Variants in EVL observed in about 807,000 individuals in gnomAD.
EVL encodes ena/VASP-like protein.
EVL carries 21 observed loss-of-function variants against 59.6 expected under a neutral mutation model. The ratio of observed to expected loss-of-function variants is 0.35; its 90% confidence interval spans 0.25 to 0.51. The LOEUF is 0.51. Ranked by LOEUF, EVL falls within the 20% of genes least tolerant of loss-of-function variation. The pLI is 0.97. For synonymous variants in EVL, 198 were observed against 203.5 expected, an observed-to-expected ratio of 0.97 and a Z score of 0.23; for missense variants, 462 against 546.6, an observed-to-expected ratio of 0.85 and a Z score of 1.54.
chr14:100,110,986 G>C (rs73349538), intron 3 of EVL, among the ~76,000 whole-genome samples: 4,198 of 152,152 alleles, frequency 0.028, 196 homozygotes, highest in African/African-American at 0.091. Flanking sequence ...GCTGAGGTGT[G>C]CCTGCCATGG....
chr14:100,104,365 G>A (rs899741600), intron 3 of EVL, among the ~76,000 whole-genome samples: 4 of 152,204 alleles, frequency 2.6e-5, no homozygotes, highest in Middle Eastern at 3.4e-3. Context: ...TACTTTCATT[G>A]TTGATCAGAT....
intron 4 of EVL, among the ~76,000 whole-genome samples, 188 bp downstream of exon 4, chr14:100,123,790 C>T (rs187002345): frequency 9.2e-5 from 14 of 152,344 alleles, no homozygotes; most frequent in East Asian, 3.9e-4. Context: ...CCGCTGGTCC[C>T]GGACACCAAG....
At chr14:100,066,275 C>T (rs772283297) in intron 1 of EVL, among the ~76,000 whole-genome samples, 83 of 152,302 alleles carry the variant, frequency 5.4e-4, no homozygotes, top group Non-Finnish European at 7.6e-4. Context: ...AGTGCCATTT[C>T]GCCAGTTTTC....
chr14:100,001,179 T>C (rs998838787), intron 1 of EVL, among the ~76,000 whole-genome samples: 2 of 152,196 alleles, frequency 1.3e-5, no homozygotes, highest in African/African-American at 2.4e-5. Flanking sequence ...GTTGCTGTTA[T>C]TTTCTTCTGA....
At position 100,018,977 on chromosome 14, in the gene EVL, G is replaced by C. The variant is rs966480284; in HGVS notation, c.5+46920G>C. Among the ~76,000 whole-genome samples, 11 of 152,118 alleles carry C rather than the reference G, an allele frequency of 7.2e-5. No individual in the cohort carries two copies. The East Asian group carries it at 1.9e-3, about 27-fold the overall frequency. ...GGTACCTACTATATACTCGATAAATGAATAATCAAATAAATGAGATCACTA... is the reference window on the plus strand; with the variant it reads ...GGTACCTACTATATACTCGATAAATCAATAATCAAATAAATGAGATCACTA... On this transcript the variant is annotated intron_variant, in intron 1 of 13. Coordinates refer to the EVL transcript ENST00000402714.
rs192519148 is a variant in EVL at position 100,108,711 on chromosome 14, G to A, written c.358+11053G>A. On this transcript the variant is annotated intron_variant, in intron 3 of 13. Transcript: ENST00000392920. This position sits in a 1 kb window ranked among gnomAD's most constrained non-coding sequence, Gnocchi z 4.1. ...TCCCCACACTTCTAAAATCTCACTCGTCCTGTCAGAATGTGGCTCCACAGA... is the reference window on the plus strand; with the variant it reads ...TCCCCACACTTCTAAAATCTCACTCATCCTGTCAGAATGTGGCTCCACAGA... 1.6e-3 allele frequency among the ~76,000 whole-genome samples: 242 copies of A among 152,054 alleles called. 3 individuals carry two copies. Among genetic ancestry groups the A allele is most frequent in the East Asian group, 7.8e-4 (4 of 5,124 alleles).
intron 2 of EVL, among the ~76,000 whole-genome samples, chr14:100,085,964 A>G (rs2062432576): frequency 6.6e-6 from 1 of 151,940 alleles, no homozygotes; most frequent in Admixed American, 6.5e-5. Flanking sequence ...CATCTCTACT[A>G]AAAAATAAAA....
At chr14:100,034,115 A>G (rs997144849) in intron 1 of EVL, among the ~76,000 whole-genome samples, 11 of 151,886 alleles carry the variant, frequency 7.2e-5, no homozygotes, top group Non-Finnish European at 1.2e-4. Flanking sequence ...GGGTGCCTAT[A>G]ATCCCAGCTA....
intron 1 of EVL, among the ~76,000 whole-genome samples, chr14:99,998,011 T>C (rs1595552099): frequency 6.6e-6 from 1 of 152,106 alleles, no homozygotes; most frequent in Non-Finnish European, 1.5e-5. Context: ...TATTTATTCA[T>C]TTATTTATTT....
chr14:100,120,549 T>C (rs1887630908), intron 3 of EVL, among the ~76,000 whole-genome samples: 1 of 152,172 alleles, frequency 6.6e-6, no homozygotes, highest in African/African-American at 2.4e-5. Context: ...AGGTGACCAC[T>C]GAGCTGGGCC....
At chr14:100,048,358 G>GAT (rs2061589428) in intron 1 of EVL, among the ~76,000 whole-genome samples, 1 of 152,108 alleles carries the variant, frequency 6.6e-6, no homozygotes, top group Non-Finnish European at 1.5e-5. Flanking sequence ...CACCAAAGAG[G>GAT]ATATACAGAT....
rs148718635 is a variant in EVL at position 100,118,919 on chromosome 14, C to CT, written c.359-4618dup. 7.2e-3 allele frequency among the ~76,000 whole-genome samples: 1,097 copies of CT among 152,366 alleles called. 16 individuals are homozygous for CT. Among genetic ancestry groups the CT allele is most frequent in the African/African-American group, 0.025 (1,032 of 41,588 alleles). On this transcript the variant is annotated intron_variant, in intron 3 of 13. Coordinates refer to ENST00000392920, the MANE Select transcript of EVL (RefSeq NM_016337.3). Reference sequence around the variant, plus strand: ...CTCCAAGACAGCAAGAAGTCAGCTCCTTCCCAAGAATCATCACAGTCCAGC... The same window carrying CT: ...CTCCAAGACAGCAAGAAGTCAGCTCCTTTCCCAAGAATCATCACAGTCCAGC...
At chr14:100,049,090 G>T (rs1396605002) in intron 1 of EVL, among the ~76,000 whole-genome samples, 1 of 152,136 alleles carries the variant, frequency 6.6e-6, no homozygotes, top group Admixed American at 6.6e-5. Flanking sequence ...AAGCAAAAAG[G>T]TCTGAGAAAC....
At chr14:100,049,577 C>T (rs936620365) in intron 1 of EVL, among the ~76,000 whole-genome samples, 1 of 152,120 alleles carries the variant, frequency 6.6e-6, no homozygotes, top group Non-Finnish European at 1.5e-5. Context: ...TACTTCATAA[C>T]CCAGTTGGAA....
intron 4 of EVL, 29 bp from the exon 5 acceptor site, chr14:100,126,678 C>T (rs1888092760): frequency 1.2e-6 from 2 of 1,613,032 alleles, no homozygotes; most frequent in Non-Finnish European, 1.7e-6. Flanking sequence ...GTGGAGGAGT[C>T]AGACTGCCCT....
At position 100,113,642 on chromosome 14, in the gene EVL, G is replaced by A. The variant is rs775112783; in HGVS notation, c.359-9897G>A. Among the ~76,000 whole-genome samples, 7 of 152,190 alleles carry A rather than the reference G, an allele frequency of 4.6e-5. No homozygotes were observed. The East Asian group carries it at 9.6e-4, about 21-fold the overall frequency. On this transcript the variant is annotated intron_variant, in intron 3 of 13. Transcript: ENST00000392920. Reference sequence around the variant, plus strand: ...CAGATGCCCCCACAAGGCAGCAAGTGTGAGGGGTGGAGGGGGGATTCCTTT... The same window carrying A: ...CAGATGCCCCCACAAGGCAGCAAGTATGAGGGGTGGAGGGGGGATTCCTTT...
At chr14:100,005,050 A>G (rs1472020073) in intron 1 of EVL, among the ~76,000 whole-genome samples, 1 of 152,370 alleles carries the variant, frequency 6.6e-6, no homozygotes, top group South Asian at 2.1e-4. Flanking sequence ...AAACTACAAC[A>G]GTCATCATTT....
chr14:100,128,783 C>A (rs201901077), intron 6 of EVL, 35 bp downstream of exon 6: 28 of 1,561,444 alleles, frequency 1.8e-5, no homozygotes, highest in Non-Finnish European at 2.4e-5. Context: ...GGAATGGGAC[C>A]GAGGGGACCC....
At chr14:100,032,966 G>C (rs1359326848) in intron 1 of EVL, among the ~76,000 whole-genome samples, 1 of 150,106 alleles carries the variant, frequency 6.7e-6, no homozygotes, top group East Asian at 1.9e-4. Context: ...CATTATCCTT[G>C]TCATGTCACA....
Sources: gnomAD v4.1 joint callset for allele counts (sites outside exome capture counted in the v4.1 genomes callset) on GRCh38, gnomAD v4.1.1 for gene constraint, Gnocchi (gnomAD v3.1) non-coding constraint, MANE v1.5 for transcripts, NCBI Gene and HGNC (gene_info 2026-07-23, HGNC 2026-07-21) for gene names.